TRMT11: variants seen among roughly 807,000 people sequenced by gnomAD.
TRMT11 encodes tRNA (guanine(10)-N(2))-methyltransferase TRMT11.
A neutral mutation model predicts 62.8 loss-of-function variants in TRMT11; 53 were observed. That is an observed-to-expected ratio of 0.84 (90% CI 0.68 to 1.06). TRMT11 has a LOEUF of 1.06. TRMT11 is among the 50% of genes least tolerant of loss of function. The pLI, the probability that TRMT11 is intolerant of heterozygous loss-of-function variation, is 0.00. For synonymous variants in TRMT11, 188 were observed against 190.3 expected (o/e 0.99, Z 0.10); for missense variants, 556 against 553.4 (o/e 1.00, Z -0.05).
intron 1 of TRMT11, among the ~76,000 whole-genome samples, chr6:125,987,558 G>A (rs926859603): frequency 3.3e-5 from 5 of 152,172 alleles, no homozygotes; most frequent in Non-Finnish European, 7.3e-5. Context: ...ACACTATGGA[G>A]GATGGATTTG....
chr6:126,109,260 T>C (rs1246047091), intron 17 of TRMT11, among the ~76,000 whole-genome samples: 1 of 152,208 alleles, frequency 6.6e-6, no homozygotes, highest in African/African-American at 2.4e-5. Context: ...TGGGAGGGGA[T>C]GTTCAGGGAC....
At chr6:126,212,242 A>G in the TRMT11 span, among the ~76,000 whole-genome samples, 1 of 152,178 alleles carries the variant, frequency 6.6e-6, no homozygotes, top group Admixed American at 6.5e-5. Context: ...GGGAGTGCAG[A>G]TATCTCTTTG....
chr6:126,177,946 G>T (rs1196029078), intron 1 of TRMT11, among the ~76,000 whole-genome samples: 1 of 151,942 alleles, frequency 6.6e-6, no homozygotes, highest in Non-Finnish European at 1.5e-5. Flanking sequence ...TCCCACAACT[G>T]GTTGTTCCCT....
chr6:126,017,987 C>T (rs889433765), intron 11 of TRMT11, among the ~76,000 whole-genome samples: 2 of 152,146 alleles, frequency 1.3e-5, no homozygotes, highest in African/African-American at 2.4e-5. Context: ...TTTCATTGTA[C>T]ACAGATAACT....
At chr6:126,010,660 C>T (rs1432286803) in intron 8 of TRMT11, among the ~76,000 whole-genome samples, 1 of 152,062 alleles carries the variant, frequency 6.6e-6, no homozygotes, top group Non-Finnish European at 1.5e-5. Flanking sequence ...ATTGATATAT[C>T]TTAAATGAAT....
intron 16 of TRMT11, among the ~76,000 whole-genome samples, chr6:126,046,993 G>A (rs968448076): frequency 6.6e-6 from 1 of 152,010 alleles, no homozygotes; most frequent in Non-Finnish European, 1.5e-5. Context: ...TGATTACTTT[G>A]CTGATTGGAG....
At chr6:126,180,759 T>C (rs992643872) in intron 1 of TRMT11, among the ~76,000 whole-genome samples, 8 of 152,206 alleles carry the variant, frequency 5.3e-5, no homozygotes, top group African/African-American at 1.7e-4. Context: ...CACACAGTTT[T>C]GTGGTTTACG....
chr6:125,992,872 G>A (rs1790846062), intron 1 of TRMT11, among the ~76,000 whole-genome samples: 1 of 152,156 alleles, frequency 6.6e-6, no homozygotes, highest in Admixed American at 6.5e-5. Context: ...TTCTAACACT[G>A]AATTTTAAAA....
At chr6:126,192,291 G>A (rs13210686) in intron 1 of TRMT11, among the ~76,000 whole-genome samples, 30,407 of 151,818 alleles carry the variant, frequency 0.2, 3,833 homozygotes, top group South Asian at 0.28. Context: ...TGTTGATTTC[G>A]TATCTTGCAA....
chr6:126,178,836 A>G (rs1006516817), intron 1 of TRMT11, among the ~76,000 whole-genome samples: 1 of 152,122 alleles, frequency 6.6e-6, no homozygotes, highest in African/African-American at 2.4e-5. Context: ...ATCAGTGTAA[A>G]CATTTTAATT....
chr6:126,130,723 C>G (rs926292902), intron 21 of TRMT11, among the ~76,000 whole-genome samples: 2 of 152,040 alleles, frequency 1.3e-5, no homozygotes, highest in African/African-American at 2.4e-5. Context: ...CCACAACCTC[C>G]CAGCAAACCA....
chr6:126,198,289 G>A (rs968068887), intron 1 of TRMT11, among the ~76,000 whole-genome samples: 4 of 151,924 alleles, frequency 2.6e-5, no homozygotes, highest in Non-Finnish European at 2.9e-5. Context: ...ACCATTGTAG[G>A]GAAAAAACAA....
intron 1 of TRMT11, among the ~76,000 whole-genome samples, chr6:125,987,695 A>G (rs1217656470): frequency 6.6e-6 from 1 of 152,236 alleles, no homozygotes; most frequent in African/African-American, 2.4e-5. Context: ...TAGGCCATAC[A>G]GTCATTAAGG....
chr6:126,222,914 G>A, the TRMT11 span, among the ~76,000 whole-genome samples: 1 of 151,424 alleles, frequency 6.6e-6, no homozygotes, highest in African/African-American at 2.4e-5. Flanking sequence ...CTGCTTTATA[G>A]TGTCAATGGT....
At chr6:126,041,177 C>G (rs548022532), downstream of TRMT11, among the ~76,000 whole-genome samples, 2 of 152,032 alleles carry the variant, frequency 1.3e-5, no homozygotes, top group Admixed American at 6.5e-5. Context: ...TAAGTAAAAA[C>G]AAAACAAAAA....
At chr6:125,994,314 T>G (rs1791102926) in intron 2 of TRMT11, among the ~76,000 whole-genome samples, 1 of 147,494 alleles carries the variant, frequency 6.8e-6, no homozygotes, top group African/African-American at 2.5e-5. Flanking sequence ...CCTTCCAGTC[T>G]TTTTTTTTTT....
chr6:126,218,240 C>A, the TRMT11 span, among the ~76,000 whole-genome samples: 1 of 152,188 alleles, frequency 6.6e-6, no homozygotes, highest in Non-Finnish European at 1.5e-5. Flanking sequence ...ACCTAAGCAG[C>A]AAGACAAAGT....
chr6:126,189,029 T>G (rs904150664), intron 1 of TRMT11, among the ~76,000 whole-genome samples: 1 of 152,064 alleles, frequency 6.6e-6, no homozygotes, highest in African/African-American at 2.4e-5. Flanking sequence ...TAGACTCTCA[T>G]TTTATTTATT....
At chr6:126,252,850 C>T in the TRMT11 span, among the ~76,000 whole-genome samples, 5 of 152,286 alleles carry the variant, frequency 3.3e-5, no homozygotes, top group South Asian at 1.0e-3. Context: ...ATACCAACTT[C>T]TCTGTTTCTT....
Sources: allele counts gnomAD v4.1 joint callset (sites outside exome capture counted in the v4.1 genomes callset), GRCh38; gene constraint gnomAD v4.1.1; transcripts MANE v1.5; gene names NCBI Gene and HGNC (gene_info 2026-07-23, HGNC 2026-07-21).